IRAG1: variants seen among roughly 807,000 people sequenced by gnomAD.
IRAG1 encodes the protein inositol 1,4,5-triphosphate receptor associated 1.
A neutral mutation model predicts 106.2 loss-of-function variants in IRAG1; 62 were observed. The observed-to-expected ratio is 0.58, with a 90% CI of 0.48 to 0.72. The LOEUF is 0.72. Among genes scored for constraint, IRAG1 ranks in the 30% least tolerant of loss-of-function variants. The pLI is 0.00. For missense variants in IRAG1, 1,064 were observed against 1,140.7 expected (o/e 0.93, Z 0.97); for synonymous variants, 462 against 443.9 (o/e 1.04, Z -0.51).
chr11:10,611,804 A>T (rs1050894447), intron 10 of IRAG1: 3 of 152,206 alleles, frequency 2.0e-5, no homozygotes, highest in Non-Finnish European at 4.4e-5. Context: ...TAGAGAGGGA[A>T]AGGGATGGAG....
intron 18 of IRAG1, among the ~76,000 whole-genome samples, chr11:10,583,263 A>C (rs1851576576): frequency 6.6e-6 from 1 of 152,158 alleles, no homozygotes; most frequent in African/African-American, 2.4e-5. Context: ...GAAAGACAAG[A>C]GGAGGACCCA....
At chr11:10,587,429 T>C (rs1190011735) in intron 18 of IRAG1, among the ~76,000 whole-genome samples, 1 of 152,110 alleles carries the variant, frequency 6.6e-6, no homozygotes. Flanking sequence ...TGTTACTCAG[T>C]TCTAGATACC....
At chr11:10,617,114 G>A (rs72862375) in intron 10 of IRAG1, 23,046 of 985,324 alleles carry the variant, frequency 0.023, 313 homozygotes, top group Middle Eastern at 0.042. Context: ...GTTTTGGAAG[G>A]ACTGTCCATT....
At chr11:10,618,717 G>A (rs1314025770) in intron 10 of IRAG1, among the ~76,000 whole-genome samples, 1 of 152,216 alleles carries the variant, frequency 6.6e-6, no homozygotes, top group Non-Finnish European at 1.5e-5. Flanking sequence ...TGTGCCATGC[G>A]TAAGAAGAGG....
At chr11:10,607,883 A>G (rs1220520295) in intron 11 of IRAG1, among the ~76,000 whole-genome samples, 1 of 152,194 alleles carries the variant, frequency 6.6e-6, no homozygotes, top group Non-Finnish European at 1.5e-5. Flanking sequence ...TTTGACACTT[A>G]CAGTCCTTGT....
At chr11:10,613,090 G>C (rs573638295) in intron 10 of IRAG1, among the ~76,000 whole-genome samples, 6 of 152,220 alleles carry the variant, frequency 3.9e-5, no homozygotes, top group African/African-American at 1.4e-4. Context: ...TTGAGACTCT[G>C]ATGACCCATC....
chr11:10,635,995 G>A (rs754045472), intron 2 of IRAG1, among the ~76,000 whole-genome samples: 52 of 152,308 alleles, frequency 3.4e-4, no homozygotes, highest in Non-Finnish European at 6.0e-4. Flanking sequence ...GGGCAGGGAC[G>A]TGGGCTGTGT....
intron 2 of IRAG1, among the ~76,000 whole-genome samples, chr11:10,643,176 CAAAAAAA>C (rs10679269): frequency 5.0e-5 from 3 of 60,246 alleles, no homozygotes; most frequent in Non-Finnish European, 8.4e-5. Context: ...GACTCCGTCT[CAAAAAAA>C]AAAAAAAAAA....
At chr11:10,681,991 G>A (rs1861297529) in intron 1 of IRAG1, among the ~76,000 whole-genome samples, 1 of 152,170 alleles carries the variant, frequency 6.6e-6, no homozygotes, top group Admixed American at 6.5e-5. Flanking sequence ...TTGATGGGCT[G>A]CATGCACTTT....
intron 13 of IRAG1, among the ~76,000 whole-genome samples, chr11:10,603,594 G>A (rs74399785): frequency 0.018 from 2,739 of 152,224 alleles, 82 homozygotes; most frequent in African/African-American, 0.063. Context: ...GCCATGGTTT[G>A]GTACCGGTTT....
rs764158772 is a variant in IRAG1, at chr11:10,628,107, G to A, written c.653-82C>T. The A allele has an allele frequency of 6.2e-6, 9 of 1,460,868 alleles. No individual in the cohort carries two copies. In the African/African-American group the frequency reaches 1.3e-4, roughly 20 times the overall value. The allele number at this position is 1,460,868 out of a possible 1,614,324, so 90.5% of individuals were successfully genotyped here. ...CTTTCAGCCACATCTCCCTCCCCGG[G>A]CTATCCTCCCTTTGCAATCTCAGGC... On this transcript the variant is annotated intron_variant, in intron 6 of 20. Coordinates refer to ENST00000423302, the MANE Select transcript of IRAG1 (RefSeq NM_130385.4). This position sits in a 1 kb window ranked among gnomAD's most constrained non-coding sequence, Gnocchi z 4.1.
intron 3 of IRAG1, among the ~76,000 whole-genome samples, chr11:10,633,287 G>A (rs184877598): frequency 6.6e-6 from 1 of 152,110 alleles, no homozygotes; most frequent in Non-Finnish European, 1.5e-5. Flanking sequence ...GTGTTAGCCA[G>A]GATGGTCTCG....
At chr11:10,645,655 C>T (rs973027787) in intron 2 of IRAG1, among the ~76,000 whole-genome samples, 9 of 152,268 alleles carry the variant, frequency 5.9e-5, no homozygotes, top group Middle Eastern at 3.4e-3. Context: ...TTTTGCAAAC[C>T]GTTTTGTGCT....
At chr11:10,633,227 A>G (rs564860307) in intron 3 of IRAG1, among the ~76,000 whole-genome samples, 1 of 151,876 alleles carries the variant, frequency 6.6e-6, no homozygotes, top group South Asian at 2.1e-4. Context: ...GGCGCCCGCC[A>G]CCACACCCGG....
At chr11:10,653,157 T>C (rs758056711) in intron 1 of IRAG1, among the ~76,000 whole-genome samples, 2 of 151,820 alleles carry the variant, frequency 1.3e-5, no homozygotes, top group Non-Finnish European at 2.9e-5. Context: ...AGTGGTGGAG[T>C]GTGAAGATAT....
In IRAG1 at chr11:10,610,107, G is replaced by T. The variant is rs376266334; in HGVS notation, c.1448-256C>A. Among the ~76,000 whole-genome samples, 30 of 152,262 alleles carry T rather than the reference G, an allele frequency of 2.0e-4. No individual in the cohort carries two copies. The South Asian group carries it at 6.2e-3, about 32-fold the overall frequency. On this transcript the variant is annotated intron_variant, in intron 10 of 20. Transcript: ENST00000423302. ...GCAAATGACATGGCCAGACCTCAAG[G>T]TCTACCTGCTTCAAATGTTATGTTC...
intron 13 of IRAG1, 98 bp from the exon 14 acceptor site, chr11:10,603,349 G>T: frequency 7.0e-7 from 1 of 1,429,296 alleles, no homozygotes; most frequent in East Asian, 2.4e-5. Flanking sequence ...TGGTTTGGAA[G>T]ACAATTTTTC....
At chr11:10,648,751 T>C (rs1451690070) in intron 2 of IRAG1, among the ~76,000 whole-genome samples, 2 of 152,182 alleles carry the variant, frequency 1.3e-5, no homozygotes, top group African/African-American at 4.8e-5. Context: ...TTGCAGCTTC[T>C]GATTAAGGAC....
chr11:10,594,255 G>A (rs1853014996), intron 15 of IRAG1, 60 bp from the exon 16 acceptor site: 1 of 1,492,120 alleles, frequency 6.7e-7, no homozygotes, highest in African/African-American at 1.4e-5. Flanking sequence ...GCACCAGCAG[G>A]AAACAGAAAC....
Sources: gnomAD v4.1 joint callset for allele counts (sites outside exome capture counted in the v4.1 genomes callset) on GRCh38, gnomAD v4.1.1 for gene constraint, Gnocchi (gnomAD v3.1) non-coding constraint, MANE v1.5 for transcripts, NCBI Gene and HGNC (gene_info 2026-07-23, HGNC 2026-07-21) for gene names.